The following NLGN1 variants were observed in gnomAD, a reference collection of about 807,000 sequenced individuals.
NLGN1 encodes the protein neuroligin-1.
NLGN1 carries 12 observed loss-of-function variants against 65.5 expected under a neutral mutation model. The observed-to-expected ratio is 0.18, with a 90% CI of 0.12 to 0.30. The LOEUF (loss-of-function observed/expected upper bound fraction) is 0.30. Ranked by LOEUF, NLGN1 falls within the 10% of genes least tolerant of loss-of-function variation. NLGN1 has a pLI of 1.00. For synonymous variants in NLGN1, 350 were observed against 359.5 expected, an observed-to-expected ratio of 0.97 and a Z score of 0.30; for missense variants, 750 against 1,007.1, an observed-to-expected ratio of 0.74 and a Z score of 3.46.
At chr3:174,141,011 T>G (rs1411661695) in intron 4 of NLGN1, among the ~76,000 whole-genome samples, 1 of 152,094 alleles carries the variant, frequency 6.6e-6, no homozygotes, top group East Asian at 1.9e-4. Flanking sequence ...TAGTGCAATT[T>G]CAGTTAAAGG....
intron 4 of NLGN1, among the ~76,000 whole-genome samples, chr3:173,967,154 G>A (rs1473439644): frequency 6.6e-6 from 1 of 152,192 alleles, no homozygotes; most frequent in Non-Finnish European, 1.5e-5. Context: ...GCAGGGTGGC[G>A]AAGCAGCTGA....
intron 4 of NLGN1, among the ~76,000 whole-genome samples, chr3:174,021,557 AAC>A (rs1317770134): frequency 1.3e-5 from 2 of 152,142 alleles, no homozygotes; most frequent in Non-Finnish European, 2.9e-5. Context: ...TATTCTATGA[AAC>A]ACAATAATCT....
intron 3 of NLGN1, among the ~76,000 whole-genome samples, chr3:173,696,202 A>T (rs755199152): frequency 2.0e-5 from 3 of 152,228 alleles, no homozygotes; most frequent in Non-Finnish European, 4.4e-5. Flanking sequence ...ACAATTCAAG[A>T]AAAGAGTGAA....
intron 4 of NLGN1, among the ~76,000 whole-genome samples, chr3:173,945,753 AG>A (rs1747026481): frequency 6.6e-6 from 1 of 152,212 alleles, no homozygotes; most frequent in African/African-American, 2.4e-5. Context: ...AATTGAAGGA[AG>A]AAAATGTACC....
chr3:174,244,333 A>C (rs1743409636), intron 4 of NLGN1, among the ~76,000 whole-genome samples: 1 of 152,148 alleles, frequency 6.6e-6, no homozygotes, highest in Non-Finnish European at 1.5e-5. Context: ...TGATGCACAA[A>C]ATTTTCTGCA....
intron 2 of NLGN1, among the ~76,000 whole-genome samples, chr3:173,541,997 T>C (rs1004561379): frequency 2.3e-4 from 35 of 152,200 alleles, no homozygotes; most frequent in African/African-American, 7.5e-4. Context: ...TTTGATAATT[T>C]TCTACTACAT....
At chr3:173,684,423 T>C (rs1015211895) in intron 3 of NLGN1, among the ~76,000 whole-genome samples, 8 of 152,200 alleles carry the variant, frequency 5.3e-5, no homozygotes, top group African/African-American at 9.6e-5. Flanking sequence ...TTAAGTAGTG[T>C]GCATATCTTT....
chr3:173,844,767 AT>A (rs1725427004), intron 4 of NLGN1, among the ~76,000 whole-genome samples: 1 of 152,228 alleles, frequency 6.6e-6, no homozygotes, highest in African/African-American at 2.4e-5. Flanking sequence ...CTGCATGATC[AT>A]TCATTGACTT....
chr3:174,239,151 C>G (rs1216991951), intron 4 of NLGN1, among the ~76,000 whole-genome samples: 1 of 151,978 alleles, frequency 6.6e-6, no homozygotes, highest in Admixed American at 6.6e-5. Context: ...TCACTGCAAC[C>G]TCCGCCTCCC....
intron 4 of NLGN1, among the ~76,000 whole-genome samples, chr3:173,887,568 A>G (rs1352368280): frequency 6.6e-6 from 1 of 151,996 alleles, no homozygotes; most frequent in Non-Finnish European, 1.5e-5. Flanking sequence ...TCCTAAAGGG[A>G]CACAGCTAAT....
intron 4 of NLGN1, among the ~76,000 whole-genome samples, chr3:174,144,627 A>G (rs1441340260): frequency 1.3e-5 from 2 of 152,190 alleles, no homozygotes; most frequent in East Asian, 3.9e-4. Flanking sequence ...GTGAGATGGT[A>G]TCTCATTGTG....
intron 2 of NLGN1, among the ~76,000 whole-genome samples, chr3:173,460,930 T>G (rs1723271028): frequency 6.6e-6 from 1 of 152,108 alleles, no homozygotes. Context: ...TCCTTTCCAC[T>G]CAGCAATCTT....
chr3:173,815,080 C>T (rs1206407755), intron 4 of NLGN1, among the ~76,000 whole-genome samples: 2 of 148,846 alleles, frequency 1.3e-5, no homozygotes, highest in Admixed American at 1.3e-4. Context: ...TTCCTTCGTT[C>T]CTTCTTTCCT....
At chr3:173,754,607 A>G (rs914525653) in intron 3 of NLGN1, among the ~76,000 whole-genome samples, 2 of 152,168 alleles carry the variant, frequency 1.3e-5, no homozygotes, top group African/African-American at 4.8e-5. Flanking sequence ...TACTTAACAT[A>G]TAGTAGACAC....
chr3:173,594,714 C>T lies in NLGN1; in HGVS notation c.-320-9565C>T, dbSNP rs368194673. 1.4e-4 allele frequency among the ~76,000 whole-genome samples: 22 copies of T among 152,324 alleles called. No individual in the cohort carries two copies. In the East Asian group the frequency reaches 3.3e-3, roughly 23 times the overall value. ...TAGCAGAGGTTCTCCATGAGTGCCC[C>T]GCTGCTGCAGCAAACTTCAGCCTGG... On this transcript the variant is annotated intron_variant, in intron 2 of 6. Transcript: ENST00000457714.
intron 4 of NLGN1, among the ~76,000 whole-genome samples, chr3:173,879,620 G>A (rs773433508): frequency 5.4e-5 from 8 of 149,346 alleles, no homozygotes; most frequent in Non-Finnish European, 1.2e-4. Context: ...ATTGAATATT[G>A]ATGACTTTTT....
intron 4 of NLGN1, among the ~76,000 whole-genome samples, chr3:173,993,728 C>T (rs914252327): frequency 1.3e-5 from 2 of 151,694 alleles, no homozygotes; most frequent in African/African-American, 4.8e-5. Flanking sequence ...TTCAGTTTTT[C>T]CATTCATTAA....
intron 2 of NLGN1, among the ~76,000 whole-genome samples, chr3:173,516,105 T>A (rs1217636061): frequency 6.6e-6 from 1 of 152,102 alleles, no homozygotes; most frequent in Non-Finnish European, 1.5e-5. Context: ...TGACCTTGTA[T>A]ATATAGAATG....
chr3:173,953,042 G>A (rs916423361), intron 4 of NLGN1, among the ~76,000 whole-genome samples: 1 of 152,112 alleles, frequency 6.6e-6, no homozygotes, highest in Admixed American at 6.5e-5. Flanking sequence ...GCCTCCCAAA[G>A]TGCTGGTATT....
Sources: allele counts gnomAD v4.1 joint callset (sites outside exome capture counted in the v4.1 genomes callset), GRCh38; gene constraint gnomAD v4.1.1; transcripts MANE v1.5; gene names NCBI Gene and HGNC (gene_info 2026-07-23, HGNC 2026-07-21).